SEL1L: variants seen among roughly 807,000 people sequenced by gnomAD.
SEL1L encodes protein sel-1 homolog 1.
In SEL1L, 52 loss-of-function variants were observed where a neutral mutation model predicts 109.8. That is an observed-to-expected ratio of 0.47 (90% CI 0.38 to 0.60). The LOEUF is 0.60. Ranked by LOEUF, SEL1L falls within the 20% of genes least tolerant of loss-of-function variation. SEL1L has a pLI of 0.00. For synonymous variants in SEL1L, 373 were observed against 339.6 expected, an observed-to-expected ratio of 1.10 and a Z score of -1.08; for missense variants, 749 against 962.2, an observed-to-expected ratio of 0.78 and a Z score of 2.93.
chr14:81,492,660 C>A, intron 11 of SEL1L, 112 bp from the exon 12 acceptor site: 1 of 691,522 alleles, frequency 1.4e-6, no homozygotes, highest in South Asian at 2.1e-5. Context: ...TATTACAGTG[C>A]TTTAAAAACA....
intron 3 of SEL1L, among the ~76,000 whole-genome samples, chr14:81,507,785 C>G (rs1281238645): frequency 6.6e-6 from 1 of 152,006 alleles, no homozygotes; most frequent in Non-Finnish European, 1.5e-5. Flanking sequence ...AAACTGTACA[C>G]AGTAGGTATG....
intron 19 of SEL1L, 148 bp downstream of exon 19, chr14:81,484,077 C>T (rs1365233822): frequency 2.6e-6 from 2 of 760,622 alleles, no homozygotes; most frequent in Non-Finnish European, 2.2e-6. Flanking sequence ...GATGGAAGGG[C>T]AGTCTTCTGA....
rs756456367 is a variant in SEL1L at position 81,485,668 on chromosome 14, T to C, written c.1873+4A>G. ...AAACTCTTATCTTAGAATTAATCAC[T>C]TACCTTGAGAGGCGGCCCTGTTCCA... On this transcript the variant is annotated splice_donor_region_variant and intron_variant, in intron 18 of 20. Coordinates refer to ENST00000336735, the MANE Select transcript of SEL1L (RefSeq NM_005065.6). 1.2e-6 allele frequency: 2 copies of C among 1,612,714 alleles called. No individual in the cohort carries two copies. Among genetic ancestry groups the C allele is most frequent in the East Asian group, 2.2e-5 (1 of 44,882 alleles).
At chr14:81,514,743 T>C (rs889072385) in intron 3 of SEL1L, among the ~76,000 whole-genome samples, 7 of 152,098 alleles carry the variant, frequency 4.6e-5, no homozygotes, top group African/African-American at 1.7e-4. Context: ...GAAACAGGCA[T>C]CAATAGGCTC....
intron 3 of SEL1L, among the ~76,000 whole-genome samples, chr14:81,518,335 G>A (rs535596529): frequency 8.3e-4 from 126 of 151,508 alleles, no homozygotes; most frequent in Non-Finnish European, 8.1e-4. Flanking sequence ...TTAAGACCAC[G>A]TACAAAAACA....
intron 4 of SEL1L, 27 bp downstream of exon 4, chr14:81,506,047 A>T (rs373452440): frequency 1.9e-6 from 3 of 1,608,404 alleles, no homozygotes; most frequent in Non-Finnish European, 2.5e-6. Flanking sequence ...AGCAATGCAG[A>T]TCTGCCTCCT....
At position 81,474,060 on chromosome 14, in the gene SEL1L, T is replaced by C. The variant is rs1238264739; in HGVS notation, c.*2912A>G. 1 of 151,860 alleles carries C rather than the reference T, an allele frequency of 6.6e-6. No individual in the cohort carries two copies. The highest frequency in any genetic ancestry group is 2.4e-5 in the African/African-American group (1 of 41,392). 9.4% of individuals were successfully genotyped at this position (151,860 alleles called of 1,614,324 possible). ...ACATGTAAGGTAAAAATTAACCTAA[T>C]ATGCAAAAAAGTAACAAATCCTTAG... On this transcript the variant is annotated 3_prime_UTR_variant, in exon 21 of 21. Coordinates refer to ENST00000336735, the MANE Select transcript of SEL1L (RefSeq NM_005065.6).
At chr14:81,529,140 G>A (rs773471454) in intron 1 of SEL1L, among the ~76,000 whole-genome samples, 21 of 152,016 alleles carry the variant, frequency 1.4e-4, no homozygotes, top group Non-Finnish European at 2.1e-4. Context: ...GTCCCACAGC[G>A]CCCATAACAT....
intron 6 of SEL1L, among the ~76,000 whole-genome samples, chr14:81,501,539 G>A (rs1884007284): frequency 6.6e-6 from 1 of 152,176 alleles, no homozygotes; most frequent in Non-Finnish European, 1.5e-5. Flanking sequence ...ACCGAGGAAA[G>A]AGCTGCAGAA....
intron 3 of SEL1L, among the ~76,000 whole-genome samples, chr14:81,521,895 T>C (rs956357142): frequency 7.9e-5 from 12 of 152,218 alleles, no homozygotes; most frequent in Non-Finnish European, 1.8e-4. Flanking sequence ...TTAATGGCCC[T>C]GAAGACCTTC....
chr14:81,529,946 G>T (rs1245751367), intron 1 of SEL1L, among the ~76,000 whole-genome samples: 1 of 152,072 alleles, frequency 6.6e-6, no homozygotes, highest in Non-Finnish European at 1.5e-5. Context: ...CAAGCAACAA[G>T]AAAAAAATGC....
At chr14:81,514,277 G>C (rs1375898955) in intron 3 of SEL1L, among the ~76,000 whole-genome samples, 1 of 152,206 alleles carries the variant, frequency 6.6e-6, no homozygotes, top group African/African-American at 2.4e-5. Context: ...GGGAGCCTCA[G>C]AAATGATATC....
chr14:81,481,719 G>A (rs777251562), intron 19 of SEL1L, among the ~76,000 whole-genome samples: 21 of 152,076 alleles, frequency 1.4e-4, no homozygotes, highest in Non-Finnish European at 2.5e-4. Context: ...AGTAGAAAAG[G>A]TGATCACGAT....
Position 81,494,550 on chromosome 14 carries a change from C to A in SEL1L, c.1185+531G>T, listed in dbSNP as rs566905531. Among the ~76,000 whole-genome samples, 3 of 152,294 alleles carry A rather than the reference C, an allele frequency of 2.0e-5. No individual in the cohort carries two copies. In the East Asian group the frequency reaches 5.8e-4, roughly 29 times the overall value. On this transcript the variant is annotated intron_variant, in intron 11 of 20. Coordinates refer to ENST00000336735, the MANE Select transcript of SEL1L (RefSeq NM_005065.6). Reference sequence around the variant, plus strand: ...TCAGTTCTGTTTCATGTACTATGGGCAGACCAGTCATATTCCTGTAGTATG... The same window carrying A: ...TCAGTTCTGTTTCATGTACTATGGGAAGACCAGTCATATTCCTGTAGTATG...
At chr14:81,480,683 ACTCTAG>A (rs1311237278) in intron 19 of SEL1L, among the ~76,000 whole-genome samples, 5 of 152,068 alleles carry the variant, frequency 3.3e-5, no homozygotes, top group African/African-American at 1.2e-4. Context: ...GTGCCACTGA[ACTCTAG>A]CCTGGGTGAC....
At chr14:81,506,028 TAGAC>T in intron 4 of SEL1L, 42 bp downstream of exon 4, 1 of 1,587,576 alleles carries the variant, frequency 6.3e-7, no homozygotes. Context: ...AACATTGCCC[TAGAC>T]ATAAAGCAAT....
intron 3 of SEL1L, among the ~76,000 whole-genome samples, chr14:81,522,765 G>A (rs1387198602): frequency 1.3e-5 from 2 of 152,128 alleles, no homozygotes; most frequent in Non-Finnish European, 2.9e-5. Flanking sequence ...AAATGACGTA[G>A]TACTTGCATA....
intron 3 of SEL1L, among the ~76,000 whole-genome samples, chr14:81,507,721 A>T (rs1187191201): frequency 6.6e-6 from 1 of 152,120 alleles, no homozygotes; most frequent in Non-Finnish European, 1.5e-5. Context: ...GGGTATGCCT[A>T]AGAATGCTGC....
rs1883694734 is a variant in SEL1L, at chr14:81,495,236, G to C, written c.1129-99C>G. The C allele has an allele frequency of 3.9e-6, 4 of 1,028,790 alleles. No homozygotes were observed. The African/African-American group carries it at 6.4e-5, about 16-fold the overall frequency. The allele number at this position is 1,028,790 out of a possible 1,614,324, so 63.7% of individuals were successfully genotyped here. On this transcript the variant is annotated intron_variant, in intron 10 of 20. Transcript: ENST00000336735. ...ATGATTTGGTCGTAAAATGGCTTCT[G>C]TTCATGACTCAAAAAACAAAAAGAT...
Sources: allele counts gnomAD v4.1 joint callset (sites outside exome capture counted in the v4.1 genomes callset), GRCh38; gene constraint gnomAD v4.1.1; transcripts MANE v1.5; gene names NCBI Gene and HGNC (gene_info 2026-07-23, HGNC 2026-07-21).